Variants in ATAT1 observed in about 807,000 individuals in gnomAD.
ATAT1 encodes the protein alpha-tubulin N-acetyltransferase 1.
Under a neutral mutation model 57.2 loss-of-function variants are expected in ATAT1, and 42 were observed. That is an observed-to-expected ratio of 0.73 (90% CI 0.57 to 0.95). ATAT1 has a LOEUF of 0.95. ATAT1 is among the 40% of genes least tolerant of loss of function. The pLI is 0.00. For missense variants in ATAT1, 454 were observed against 523.7 expected (o/e 0.87, Z 1.30); for synonymous variants, 168 against 187.1 (o/e 0.90, Z 0.83).
At chr6:30,634,058 C>T in intron 6 of ATAT1, 1 of 157,704 alleles carries the variant, frequency 6.3e-6, no homozygotes. Context: ...CTCGAGAGGC[C>T]TGCTTGCCCT....
Position 30,628,418 on chromosome 6 carries a change from C to T in ATAT1, c.489C>T (p.Thr163=), listed in dbSNP as rs1175181281. 1 of 1,610,806 alleles carries T rather than the reference C, an allele frequency of 6.2e-7. No homozygotes were observed. The highest frequency in any genetic ancestry group is 1.1e-5 in the South Asian group (1 of 91,028). The change falls in exon 6 of 13, where the codon ACC becomes ACT. Residue 163 remains threonine (T), a synonymous_variant. Transcript: ENST00000330083. ...TGAATAAGCACTACAATCTGGAGAC[C>T]ACAGTCCCACAGGTTAGAGGTTTCA...
intron 10 of ATAT1, chr6:30,644,365 G>A (rs1204105756): frequency 1.0e-6 from 1 of 985,736 alleles, no homozygotes; most frequent in African/African-American, 1.7e-5. Context: ...ATATACTCCT[G>A]TCTTGTGAGA....
intron 6 of ATAT1, among the ~76,000 whole-genome samples, chr6:30,634,736 C>A (rs1470616009): frequency 1.4e-5 from 2 of 145,032 alleles, no homozygotes; most frequent in Non-Finnish European, 3.0e-5. Context: ...CGCCTGTAAT[C>A]CCAGCACTTT....
chr6:30,644,182 C>T, intron 10 of ATAT1: 2 of 985,854 alleles, frequency 2.0e-6, no homozygotes, highest in Non-Finnish European at 2.4e-6. Flanking sequence ...TCAGGGAACC[C>T]CAAACTGGTG....
intron 12 of ATAT1, 178 bp downstream of exon 12, chr6:30,646,287 T>C: frequency 4.8e-6 from 7 of 1,452,118 alleles, no homozygotes; most frequent in Non-Finnish European, 6.4e-6. Flanking sequence ...TCAACTCTGG[T>C]ACTTCCCTTT....
rs898244675 is a variant in ATAT1 at position 30,627,056 on chromosome 6, A to C, written c.-148A>C. 8 of 1,548,260 alleles carry C rather than the reference A, an allele frequency of 5.2e-6. No homozygotes were observed. Among genetic ancestry groups the C allele is most frequent in the Non-Finnish European group, 6.1e-6 (7 of 1,142,778 alleles). ...GTTCCTCTCCAAACCTGGTCCAGGCACCACGCCCCCTTCTCACTGACTAGT... is the reference window on the plus strand; with the variant it reads ...GTTCCTCTCCAAACCTGGTCCAGGCCCCACGCCCCCTTCTCACTGACTAGT... On this transcript the variant is annotated 5_prime_UTR_variant, in exon 1 of 13. Transcript: ENST00000330083.
rs1176870823 is a variant in ATAT1, at chr6:30,626,982, A to G, written c.-222A>G. The G allele has an allele frequency of 3.8e-6, 6 of 1,598,094 alleles. No individual in the cohort carries two copies. The highest frequency in any genetic ancestry group is 1.7e-5 in the Admixed American group (1 of 57,504). On this transcript the variant is annotated 5_prime_UTR_variant, in exon 1 of 13. Transcript: ENST00000330083. ...CCCAGCCCGCCGACCCGGAACCACA[A>G]CGCCGGCCCGGTGACAGCTCAAACC...
Position 30,642,833 on chromosome 6 carries a change from G to GCACCCCCC in ATAT1, c.755_756insACCCCCCC (p.His253ProfsTer69). ...GGCCCCTCGCCGCGCCACACCTCCA[G>GCACCCCCC]CCCACCCACCCCCCCGCTCCAGCAG... On this transcript the variant is annotated frameshift_variant, in exon 10 of 13. Coordinates refer to ENST00000330083, the MANE Select transcript of ATAT1 (RefSeq NM_001031722.4). LOFTEE classifies it high-confidence loss of function. 6 of 1,537,876 alleles carry GCACCCCCC rather than the reference G, an allele frequency of 3.9e-6. No individual in the cohort carries two copies. The highest frequency in any genetic ancestry group is 2.3e-5 in the South Asian group (2 of 86,356).
In ATAT1 at chr6:30,644,763, T is replaced by G. The variant is rs115483623; in HGVS notation, c.933-1132T>G. 6.9e-3 allele frequency: 3,592 copies of G among 522,306 alleles called. 39 individuals are homozygous for G. The highest frequency in any genetic ancestry group is 0.029 in the African/African-American group (1,387 of 48,138). The allele number at this position is 522,306 out of a possible 1,614,324, so 32.4% of individuals were successfully genotyped here. On this transcript the variant is annotated intron_variant, in intron 10 of 12. Coordinates refer to ENST00000330083, the MANE Select transcript of ATAT1 (RefSeq NM_001031722.4). Reference sequence around the variant, plus strand: ...CCTCTCATTTCTCACTTCTGAGATCTGCACATCTTTTACCCAGGAGCCTCA... The same window carrying G: ...CCTCTCATTTCTCACTTCTGAGATCGGCACATCTTTTACCCAGGAGCCTCA...
intron 10 of ATAT1, among the ~76,000 whole-genome samples, chr6:30,644,836 C>T (rs1766344642): frequency 6.6e-6 from 1 of 152,152 alleles, no homozygotes. Context: ...ACTGTTAGTC[C>T]TCCTGCAGAT....
At position 30,646,504 on chromosome 6, in the gene ATAT1, G is replaced by C. The variant is rs779911548; in HGVS notation, c.1091G>C (p.Gly364Ala). 1 of 1,598,784 alleles carries C rather than the reference G, an allele frequency of 6.3e-7. No homozygotes were observed. The highest frequency in any genetic ancestry group is 1.1e-5 in the South Asian group (1 of 88,238). ...GAGGAGCAGGCCTTGTCACAGGATG[G>C]GTCTGGGGAGAAGCCCATGCACACA... Residue 364 changes from glycine to alanine, a missense_variant, in exon 13 of 13, where the codon GGG (glycine) becomes GCG (alanine). By Grantham distance (60) the Gly-to-Ala change is moderately conservative. Transcript: ENST00000330083.
rs1389446283 is a variant in ATAT1 at position 30,646,055 on chromosome 6, A to G, written c.1013-12A>G. 3 of 1,610,916 alleles carry G rather than the reference A, an allele frequency of 1.9e-6. No individual in the cohort carries two copies. Among genetic ancestry groups the G allele is most frequent in the East Asian group, 2.2e-5 (1 of 44,814 alleles). On this transcript the variant is annotated splice_polypyrimidine_tract_variant and intron_variant, in intron 11 of 12. Transcript: ENST00000330083. ...TCCTGCCTTCCCATTCACATGCCTG[A>G]TATTTCCACAGGCAACCAAGACTCC...
chr6:30,636,459 G>A (rs545488176), intron 6 of ATAT1, among the ~76,000 whole-genome samples: 8 of 152,164 alleles, frequency 5.3e-5, no homozygotes, highest in Admixed American at 2.6e-4. Flanking sequence ...GGTGGCAGGC[G>A]CCTGTAGTCC....
chr6:30,627,945 C>T, intron 4 of ATAT1, 34 bp downstream of exon 4: 2 of 1,611,534 alleles, frequency 1.2e-6, no homozygotes, highest in Non-Finnish European at 8.5e-7. Flanking sequence ...GTTCGTATAC[C>T]TTGGTTTCTG....
At position 30,627,843 on chromosome 6, in the gene ATAT1, T is replaced by C; in HGVS notation, c.225-8T>C. ...ACTAGCCTGTTCATTATTTTCCCCG[T>C]CCTACAGGGCTGGAAAAGGAGCCAT... On this transcript the variant is annotated splice_region_variant and splice_polypyrimidine_tract_variant and intron_variant, in intron 3 of 12. Transcript: ENST00000330083. 1 of 1,612,872 alleles carries C rather than the reference T, an allele frequency of 6.2e-7. No homozygotes were observed. Among genetic ancestry groups the C allele is most frequent in the Non-Finnish European group, 8.5e-7 (1 of 1,179,900 alleles).
chr6:30,643,124 G>T (rs551204992), intron 10 of ATAT1, 113 bp downstream of exon 10: 23 of 1,507,502 alleles, frequency 1.5e-5, no homozygotes, highest in Middle Eastern at 2.5e-4. Flanking sequence ...GGGTGGCTTG[G>T]GGGGGGTCCT....
In ATAT1 at chr6:30,636,590, A is replaced by T. The variant is rs546615402; in HGVS notation, c.502-3787A>T. Among the ~76,000 whole-genome samples, 180 of 151,958 alleles carry T rather than the reference A, an allele frequency of 1.2e-3. 1 individual carries two copies. Among genetic ancestry groups the T allele is most frequent in the African/African-American group, 3.2e-3 (132 of 41,458 alleles). On this transcript the variant is annotated intron_variant, in intron 6 of 12. Coordinates refer to ENST00000330083, the MANE Select transcript of ATAT1 (RefSeq NM_001031722.4). ...GACAGAGCAAGACACTGTCTCAAAA[A>T]AAATAAATAAATAAATAAAAATAAA...
chr6:30,646,228 C>T, intron 12 of ATAT1, 119 bp downstream of exon 12: 1 of 1,488,146 alleles, frequency 6.7e-7, no homozygotes, highest in Non-Finnish European at 9.0e-7. Context: ...CCAGCTCCTC[C>T]CACAATTCCT....
Position 30,627,108 on chromosome 6 carries a change from G to A in ATAT1, c.-96G>A. The stretch of plus-strand genomic sequence containing the variant: ...ATCGCCCCTTTTGATGTCCAGGCCT[G>A]CCTTTTTGGTGACCTCTGACCCTGG... On this transcript the variant is annotated 5_prime_UTR_variant, in exon 1 of 13. Coordinates refer to ENST00000330083, the MANE Select transcript of ATAT1 (RefSeq NM_001031722.4). 1 of 1,577,882 alleles carries A rather than the reference G, an allele frequency of 6.3e-7. No individual in the cohort carries two copies. Among genetic ancestry groups the A allele is most frequent in the East Asian group, 2.3e-5 (1 of 43,640 alleles).
Sources: allele counts gnomAD v4.1 joint callset (sites outside exome capture counted in the v4.1 genomes callset), GRCh38; gene constraint gnomAD v4.1.1; transcripts MANE v1.5; gene names NCBI Gene and HGNC (gene_info 2026-07-23, HGNC 2026-07-21).